MYO9B: variants seen among roughly 807,000 people sequenced by gnomAD.
The protein encoded by MYO9B is myosin IXB.
Under a neutral mutation model 229.5 loss-of-function variants are expected in MYO9B, and 71 were observed. The observed-to-expected ratio is 0.31, with a 90% confidence interval of 0.26 to 0.38. MYO9B has a LOEUF of 0.38. Among genes scored for constraint, MYO9B ranks in the 10% least tolerant of loss-of-function variants. The probability of loss-of-function intolerance (pLI) is 1.00; values close to 1 mark genes in which losing one functional copy is unlikely to be tolerated. For synonymous variants in MYO9B, 1,185 were observed against 1,235.8 expected (o/e 0.96, Z 0.86); for missense variants, 2,255 against 2,920.5 (o/e 0.77, Z 5.25).
At chr19:17,173,180 G>C (rs4239629) in intron 13 of MYO9B, among the ~76,000 whole-genome samples, 108,161 of 152,044 alleles carry the variant, frequency 0.71, 39,117 homozygotes, top group African/African-American at 0.84. Context: ...TCCATCAGGC[G>C]TCTCCTTTGC....
rs573561699 is a variant in MYO9B, at chr19:17,192,806, C to T, written c.2872C>T (p.Arg958Trp). 2.9e-5 allele frequency: 45 copies of T among 1,557,524 alleles called. No homozygotes were observed. In the African/African-American group the frequency reaches 3.5e-4, roughly 12 times the overall value. ...GGAGACGCTGCACCGGGAGGTGGTGCGGAAAATCCTGCTGCTGCAGAGCTG... is the reference window on the plus strand; with the variant it reads ...GGAGACGCTGCACCGGGAGGTGGTGTGGAAAATCCTGCTGCTGCAGAGCTG... ...LQETLHREVVRKILLLQSWFR... is the reference protein window; with the variant it reads ...LQETLHREVVWKILLLQSWFR... Residue 958 changes from arginine to tryptophan, a missense_variant, in exon 21 of 40, where the codon CGG becomes TGG. By Grantham distance (101) the Arg-to-Trp change is moderately radical. Around this residue, in one of 7 missense-constraint regions of MYO9B, gnomAD observed 679 missense variants for 770.2 expected, o/e 0.88. Transcript: ENST00000682292.
intron 2 of MYO9B, among the ~76,000 whole-genome samples, chr19:17,133,357 T>C (rs367970878): frequency 1.3e-5 from 2 of 152,202 alleles, no homozygotes; most frequent in South Asian, 4.1e-4. Flanking sequence ...TGTTATACAA[T>C]AGATCGCTTG....
At chr19:17,106,046 A>G (rs980983526) in intron 2 of MYO9B, among the ~76,000 whole-genome samples, 2 of 139,894 alleles carry the variant, frequency 1.4e-5, no homozygotes, top group African/African-American at 5.5e-5. Flanking sequence ...TCCGTTACCT[A>G]GAATGGAGTG....
intron 2 of MYO9B, among the ~76,000 whole-genome samples, chr19:17,110,531 A>G (rs965973411): frequency 2.6e-5 from 4 of 152,336 alleles, no homozygotes; most frequent in Admixed American, 2.6e-4. Context: ...TTCTGAGAGC[A>G]GGCTGAGTCC....
chr19:17,132,525 AT>A (rs35184435), intron 2 of MYO9B, among the ~76,000 whole-genome samples: 1,757 of 116,170 alleles, frequency 0.015, 32 homozygotes, highest in African/African-American at 0.046. Flanking sequence ...TATTATTATT[AT>A]TTTTTTTTTT....
rs534526152 is a variant in MYO9B at position 17,185,955 on chromosome 19, A to G, written c.2531A>G (p.Lys844Arg). ...AACAAGCTCTTGGAGGCACTGGGGA[A>G]GGCGGAGCCCTTCTTTATCCGCTGC... Reference protein sequence around the residue: ...SLNKLLEALGKAEPFFIRCIR... With the variant: ...SLNKLLEALGRAEPFFIRCIR... Residue 844 changes from lysine to arginine, a missense_variant, in exon 18 of 40, where the codon AAG becomes AGG. This residue lies in a region of MYO9B where 68 missense variants were observed against 133.5 expected (regional missense o/e 0.51). Transcript: ENST00000682292. 2 of 1,613,958 alleles carry G rather than the reference A, an allele frequency of 1.2e-6. No individual in the cohort carries two copies. The highest frequency in any genetic ancestry group is 4.5e-5 in the East Asian group (2 of 44,880).
rs562012131 is a variant in MYO9B at position 17,195,354 on chromosome 19, C to T, written c.3927C>T (p.Ala1309=). 9 of 1,612,044 alleles carry T rather than the reference C, an allele frequency of 5.6e-6. No individual in the cohort carries two copies. The highest frequency in any genetic ancestry group is 2.7e-5 in the African/African-American group (2 of 74,926). ...RYLDAERLAS[A]VELWRGKKLV... is the part of the protein sequence containing the mutation. ...TGGACGCCGAGCGGCTGGCCAGCGC[C>T]GTGGAACTGTGGCGGGGCAAGAAGC... The change falls in exon 22 of 40, where the codon GCC becomes GCT. Residue 1309 remains alanine, a synonymous_variant. Coordinates refer to ENST00000682292, the MANE Select transcript of MYO9B (RefSeq NM_004145.4). The surrounding 1 kb of genome is among the most constrained non-coding windows in gnomAD (Gnocchi z 4.5).
At chr19:17,182,618 C>T (rs1599401157) in intron 15 of MYO9B, among the ~76,000 whole-genome samples, 1 of 152,164 alleles carries the variant, frequency 6.6e-6, no homozygotes, top group East Asian at 1.9e-4. Context: ...GTTGGCCAGG[C>T]TGGTCTTGAA....
At chr19:17,173,725 T>G (rs923815766) in intron 13 of MYO9B, among the ~76,000 whole-genome samples, 1 of 152,148 alleles carries the variant, frequency 6.6e-6, no homozygotes, top group African/African-American at 2.4e-5. Context: ...CACTCAAGAC[T>G]TGGGCCAGCC....
rs899682805 is a variant in MYO9B, at chr19:17,193,851, C to A, written c.3129-705C>A. 6.6e-6 allele frequency among the ~76,000 whole-genome samples: 1 copy of A among 152,106 alleles called. No homozygotes were observed. The highest frequency in any genetic ancestry group is 2.4e-5 in the African/African-American group (1 of 41,398). On this transcript the variant is annotated intron_variant, in intron 21 of 39. Coordinates refer to ENST00000682292, the MANE Select transcript of MYO9B (RefSeq NM_004145.4). This position sits in a 1 kb window ranked among gnomAD's most constrained non-coding sequence, Gnocchi z 4.3. ...TATGATCACACCACTGCACTCCAGC[C>A]TAAGTGACAGAGCCAGACACTGTCT...
chr19:17,118,017 C>T (rs2057923406), intron 2 of MYO9B, among the ~76,000 whole-genome samples: 1 of 151,034 alleles, frequency 6.6e-6, no homozygotes, highest in Non-Finnish European at 1.5e-5. Flanking sequence ...TTGCCTGGAG[C>T]TGATTCTGCC....
intron 2 of MYO9B, among the ~76,000 whole-genome samples, chr19:17,114,681 C>A (rs1195035895): frequency 6.6e-6 from 1 of 152,084 alleles, no homozygotes; most frequent in Non-Finnish European, 1.5e-5. Context: ...GTTTTCTGAT[C>A]CAGGAGAGTG....
At chr19:17,083,251 G>C (rs934217596) in intron 1 of MYO9B, among the ~76,000 whole-genome samples, 6 of 152,018 alleles carry the variant, frequency 3.9e-5, no homozygotes, top group Non-Finnish European at 5.9e-5. Context: ...GCCTGGTCTT[G>C]AACTCCTGGG....
At chr19:17,155,840 G>A (rs963542409) in intron 6 of MYO9B, among the ~76,000 whole-genome samples, 1 of 151,940 alleles carries the variant, frequency 6.6e-6, no homozygotes, top group East Asian at 1.9e-4. Flanking sequence ...GCAACATGGC[G>A]AAACCCTGTC....
chr19:17,099,098 A>T (rs2057719688), intron 1 of MYO9B: 1 of 151,846 alleles, frequency 6.6e-6, no homozygotes, highest in Non-Finnish European at 1.5e-5. Context: ...AACATGGTGA[A>T]ACCCCGTCTC....
rs370953639 is a variant in MYO9B at position 17,211,750 on chromosome 19, C to T, written c.6034C>T (p.Arg2012Trp). 1.2e-4 allele frequency: 198 copies of T among 1,612,928 alleles called. No individual in the cohort carries two copies. The highest frequency in any genetic ancestry group is 1.5e-4 in the Non-Finnish European group (173 of 1,179,722). ...CAGCACCGAGAGCCTGCTGGAGGAG[C>T]GGGCCGGGCGGGGGGCCTCGGAAGG... ...SASTESLLEE[R>W]AGRGASEGPP... The change falls in exon 39 of 40, where the codon CGG becomes TGG. Residue 2012 changes from arginine (R) to tryptophan (W), a missense_variant. This residue lies in a region of MYO9B where 331 missense variants were observed against 332.5 expected (regional missense o/e 1.00). Coordinates refer to ENST00000682292, the MANE Select transcript of MYO9B (RefSeq NM_004145.4).
At chr19:17,161,324 T>A (rs1489489499) in intron 8 of MYO9B, among the ~76,000 whole-genome samples, 1 of 152,100 alleles carries the variant, frequency 6.6e-6, no homozygotes, top group Admixed American at 6.6e-5. Flanking sequence ...AACGCCTCAG[T>A]GTGCAGGCAC....
intron 1 of MYO9B, among the ~76,000 whole-genome samples, chr19:17,091,968 T>C (rs565221022): frequency 6.6e-6 from 1 of 152,298 alleles, no homozygotes; most frequent in South Asian, 2.1e-4. Flanking sequence ...CCCCACAGGC[T>C]TTGTTCCCAG....
At chr19:17,092,031 G>A (rs1412354103) in intron 1 of MYO9B, among the ~76,000 whole-genome samples, 1 of 152,234 alleles carries the variant, frequency 6.6e-6, no homozygotes, top group Non-Finnish European at 1.5e-5. Context: ...AGGACACGGA[G>A]CAGTCTCAAG....
Sources: allele counts gnomAD v4.1 joint callset (sites outside exome capture counted in the v4.1 genomes callset), GRCh38; gene constraint gnomAD v4.1.1; regional missense constraint gnomAD v4.1.1; non-coding constraint Gnocchi (gnomAD v3.1); transcripts MANE v1.5; gene names NCBI Gene and HGNC (gene_info 2026-07-23, HGNC 2026-07-21).